The following SLC4A7 variants were observed in gnomAD, a reference collection of about 807,000 sequenced individuals.
SLC4A7 encodes the protein sodium bicarbonate cotransporter 3.
In SLC4A7, 51 loss-of-function variants were observed where a neutral mutation model predicts 137.6. The ratio of observed to expected loss-of-function variants is 0.37; its 90% CI spans 0.30 to 0.47. The LOEUF is 0.47. Among genes scored for constraint, SLC4A7 ranks in the 20% least tolerant of loss-of-function variants. The pLI, the probability that SLC4A7 is intolerant of heterozygous loss-of-function variation, is 1.00. For missense variants in SLC4A7, 1,247 were observed against 1,525.4 expected (o/e 0.82, Z 3.04); for synonymous variants, 542 against 518.6 (o/e 1.05, Z -0.61).
At chr3:27,449,613 T>C (rs2057926558) in intron 2 of SLC4A7, among the ~76,000 whole-genome samples, 1 of 152,170 alleles carries the variant, frequency 6.6e-6, no homozygotes, top group Non-Finnish European at 1.5e-5. Context: ...TGATATTGCA[T>C]TATCCTAACT....
At chr3:27,436,345 C>T (rs1201420875) in intron 5 of SLC4A7, 43 bp downstream of exon 5, 2 of 1,469,564 alleles carry the variant, frequency 1.4e-6, no homozygotes, top group Non-Finnish European at 1.9e-6. Context: ...GTCTAAAATT[C>T]CACTACACCT....
chr3:27,379,856 A>G (rs192836212), intron 24 of SLC4A7, among the ~76,000 whole-genome samples: 63 of 152,368 alleles, frequency 4.1e-4, no homozygotes, highest in African/African-American at 1.5e-3. Flanking sequence ...ACAAATCATT[A>G]TAAAGAATGC....
chr3:27,434,690 A>G (rs1343316968), intron 5 of SLC4A7, among the ~76,000 whole-genome samples: 4 of 152,158 alleles, frequency 2.6e-5, no homozygotes, highest in Non-Finnish European at 4.4e-5. Context: ...GATGTGGGGA[A>G]TGGGGAAACT....
At chr3:27,458,305 C>A (rs535993356) in intron 1 of SLC4A7, among the ~76,000 whole-genome samples, 1 of 152,214 alleles carries the variant, frequency 6.6e-6, no homozygotes, top group East Asian at 1.9e-4. Flanking sequence ...ATATTTATAT[C>A]CCACAGCTAA....
At chr3:27,446,072 G>A (rs1308593511) in intron 3 of SLC4A7, among the ~76,000 whole-genome samples, 1 of 143,600 alleles carries the variant, frequency 7.0e-6, no homozygotes. Context: ...ACTATATGAG[G>A]TTAAGGATGT....
intron 1 of SLC4A7, among the ~76,000 whole-genome samples, chr3:27,478,197 A>G (rs1456109936): frequency 7.4e-6 from 1 of 134,810 alleles, no homozygotes; most frequent in Non-Finnish European, 1.7e-5. Flanking sequence ...TCTCTGAAAA[A>G]TGAGGAAAAA....
At chr3:27,395,175 C>T (rs577123254) in intron 18 of SLC4A7, 60 bp from the exon 19 acceptor site, 2 of 1,248,058 alleles carry the variant, frequency 1.6e-6, no homozygotes, top group African/African-American at 3.0e-5. Flanking sequence ...ACTAAATTTC[C>T]ATAACATAGA....
intron 13 of SLC4A7, among the ~76,000 whole-genome samples, chr3:27,408,033 A>G (rs2053552340): frequency 6.6e-6 from 1 of 152,032 alleles, no homozygotes; most frequent in Admixed American, 6.6e-5. Context: ...TGCTTCCTCT[A>G]TTTCTATTAC....
chr3:27,418,245 AC>A (rs1366082070), intron 11 of SLC4A7, among the ~76,000 whole-genome samples: 1 of 152,210 alleles, frequency 6.6e-6, no homozygotes. Flanking sequence ...CAATACACTA[AC>A]TTTTGGTGAC....
chr3:27,407,207 C>A (rs1022242686), intron 13 of SLC4A7, among the ~76,000 whole-genome samples: 18 of 151,004 alleles, frequency 1.2e-4, no homozygotes, highest in Non-Finnish European at 2.4e-4. Flanking sequence ...CCTGGCTAGG[C>A]ACGGTGGCTC....
intron 2 of SLC4A7, among the ~76,000 whole-genome samples, chr3:27,450,248 G>A (rs1023756265): frequency 3.3e-5 from 5 of 152,044 alleles, no homozygotes; most frequent in African/African-American, 4.8e-5. Flanking sequence ...GTAAGTACTC[G>A]ATAAATGTCT....
chr3:27,444,708 T>C (rs1324290508), intron 3 of SLC4A7, among the ~76,000 whole-genome samples: 1 of 152,204 alleles, frequency 6.6e-6, no homozygotes, highest in South Asian at 2.1e-4. Context: ...TTCTTCTCTA[T>C]CCTTTTGAGC....
At chr3:27,459,108 C>G (rs983869489) in intron 1 of SLC4A7, among the ~76,000 whole-genome samples, 1 of 152,122 alleles carries the variant, frequency 6.6e-6, no homozygotes. Flanking sequence ...CCTGGTCAAG[C>G]ACATGTCCTT....
At chr3:27,462,626 A>C (rs777319977) in intron 1 of SLC4A7, 31 of 166,378 alleles carry the variant, frequency 1.9e-4, no homozygotes, top group Non-Finnish European at 3.9e-4. Flanking sequence ...TAAAAGGACC[A>C]GTTCAGATGC....
Position 27,411,635 on chromosome 3 carries a change from C to A in SLC4A7, c.1766+7G>T, listed in dbSNP as rs531999417. The A allele has an allele frequency of 5.5e-6, 8 of 1,452,330 alleles. No individual in the cohort carries two copies. In the African/African-American group the frequency reaches 1.1e-4, roughly 21 times the overall value. 90.0% of individuals were successfully genotyped at this position (1,452,330 alleles called of 1,614,324 possible). On this transcript the variant is annotated splice_region_variant and intron_variant, in intron 12 of 25. Coordinates refer to ENST00000454389, the MANE Select transcript of SLC4A7 (RefSeq NM_001321103.2). ...AAACCCTTCAAAATATCAGTATTTGCACCCACCGTCCAGTCCTCTGTAGCT... is the reference window on the plus strand; with the variant it reads ...AAACCCTTCAAAATATCAGTATTTGAACCCACCGTCCAGTCCTCTGTAGCT...
intron 1 of SLC4A7, among the ~76,000 whole-genome samples, chr3:27,475,474 A>G (rs2059425854): frequency 6.6e-6 from 1 of 152,046 alleles, no homozygotes; most frequent in Non-Finnish European, 1.5e-5. Flanking sequence ...AAACCCAAAC[A>G]TGTACTTGTT....
intron 12 of SLC4A7, among the ~76,000 whole-genome samples, chr3:27,410,091 T>C (rs975071927): frequency 3.7e-4 from 57 of 152,242 alleles, no homozygotes; most frequent in African/African-American, 1.4e-3. Context: ...TATTTCAGTA[T>C]ATTTAATTTA....
chr3:27,403,029 A>T (rs2052944876), intron 15 of SLC4A7, 110 bp downstream of exon 15: 10 of 955,950 alleles, frequency 1.0e-5, no homozygotes, highest in Non-Finnish European at 1.5e-5. Context: ...TGGCTAGTTA[A>T]GTAGTTATAG....
chr3:27,434,029 A>T lies in SLC4A7; in HGVS notation c.665T>A (p.Leu222Gln), dbSNP rs763389021. Residue 222 changes from leucine to glutamine, a missense_variant, in exon 6 of 26, where the codon CTG (leucine) becomes CAG (glutamine). Leu to Gln is a moderately radical substitution (Grantham distance 113). Coordinates refer to ENST00000454389, the MANE Select transcript of SLC4A7 (RefSeq NM_001321103.2). ...SIRENVREAL[L>Q]KRHHHQNEKR... ...CTCATTCTGATGATGATGTCTCTTC[A>T]GAAGAGCTTCTCTGACATTCTCTCG... 1 of 1,613,946 alleles carries T rather than the reference A, an allele frequency of 6.2e-7. No individual in the cohort carries two copies.
Sources: allele counts gnomAD v4.1 joint callset (sites outside exome capture counted in the v4.1 genomes callset), GRCh38; gene constraint gnomAD v4.1.1; transcripts MANE v1.5; gene names NCBI Gene and HGNC (gene_info 2026-07-23, HGNC 2026-07-21).